The following LRRTM4 variants were observed in gnomAD, a reference collection of about 807,000 sequenced individuals.
LRRTM4 encodes leucine rich repeat transmembrane neuronal 4.
In LRRTM4, 25 loss-of-function variants were observed where a neutral mutation model predicts 47.6. The observed-to-expected ratio is 0.53, with a 90% confidence interval of 0.38 to 0.73. The LOEUF (loss-of-function observed/expected upper bound fraction) is 0.73. Ranked by LOEUF, LRRTM4 falls within the 30% of genes least tolerant of loss-of-function variation. The pLI is 0.00. For synonymous variants in LRRTM4, 311 were observed against 269.5 expected, an observed-to-expected ratio of 1.15 and a Z score of -1.51; for missense variants, 638 against 713.4, an observed-to-expected ratio of 0.89 and a Z score of 1.20.
chr2:76,902,256 T>C (rs142906975), intron 3 of LRRTM4, among the ~76,000 whole-genome samples: 2,830 of 152,340 alleles, frequency 0.019, 40 homozygotes, highest in Non-Finnish European at 0.027. Flanking sequence ...CAGATATTCC[T>C]GTTCCTACCT....
chr2:77,154,899 C>T (rs1035728606), intron 3 of LRRTM4, among the ~76,000 whole-genome samples: 5 of 151,992 alleles, frequency 3.3e-5, no homozygotes, highest in African/African-American at 1.2e-4. Flanking sequence ...CTGTTTCTGA[C>T]CCTTTAAAGT....
At chr2:76,904,398 G>A (rs1261879723) in intron 3 of LRRTM4, among the ~76,000 whole-genome samples, 6 of 152,168 alleles carry the variant, frequency 3.9e-5, no homozygotes, top group East Asian at 1.9e-4. Flanking sequence ...AAATCCTTCC[G>A]ACTTGCTGGG....
At chr2:77,403,836 C>T (rs900114748) in intron 3 of LRRTM4, among the ~76,000 whole-genome samples, 2 of 149,496 alleles carry the variant, frequency 1.3e-5, no homozygotes, top group African/African-American at 2.5e-5. Flanking sequence ...TCTTAATAGG[C>T]CATTATGTCT....
intron 3 of LRRTM4, among the ~76,000 whole-genome samples, chr2:76,818,478 C>G (rs1349096805): frequency 6.6e-6 from 1 of 151,816 alleles, no homozygotes; most frequent in Non-Finnish European, 1.5e-5. Flanking sequence ...TCCTAAGATT[C>G]CTCCTGGAGT....
chr2:77,119,433 G>A (rs1572980678), intron 3 of LRRTM4, among the ~76,000 whole-genome samples: 1 of 151,788 alleles, frequency 6.6e-6, no homozygotes, highest in African/African-American at 2.4e-5. Context: ...TGGGTGTTAA[G>A]AATCTTTACT....
intron 3 of LRRTM4, among the ~76,000 whole-genome samples, chr2:77,025,657 G>C (rs1448197436): frequency 1.3e-5 from 2 of 152,124 alleles, no homozygotes; most frequent in African/African-American, 4.8e-5. Flanking sequence ...AAAGGACAAG[G>C]CTGGTAGAAG....
chr2:76,988,806 C>G (rs187797721), intron 3 of LRRTM4, among the ~76,000 whole-genome samples: 1 of 151,588 alleles, frequency 6.6e-6, no homozygotes, highest in African/African-American at 2.4e-5. Flanking sequence ...TTGACATCTC[C>G]TATCACCTTT....
intron 3 of LRRTM4, among the ~76,000 whole-genome samples, chr2:77,228,234 T>G (rs2103964808): frequency 6.6e-6 from 1 of 152,238 alleles, no homozygotes; most frequent in East Asian, 1.9e-4. Context: ...TCTAACAAAC[T>G]TAATTTTTTC....
chr2:77,074,370 T>A (rs1680263732), intron 3 of LRRTM4, among the ~76,000 whole-genome samples: 1 of 152,188 alleles, frequency 6.6e-6, no homozygotes, highest in Non-Finnish European at 1.5e-5. Context: ...TGAATTATTG[T>A]CCACAGTCCC....
intron 3 of LRRTM4, among the ~76,000 whole-genome samples, chr2:77,432,616 G>C (rs1305548683): frequency 6.6e-6 from 1 of 152,224 alleles, no homozygotes; most frequent in African/African-American, 2.4e-5. Flanking sequence ...TAAAGAGACA[G>C]AAAGGCTAAG....
chr2:77,430,553 C>G (rs1055386251), intron 3 of LRRTM4, among the ~76,000 whole-genome samples: 2 of 150,786 alleles, frequency 1.3e-5, no homozygotes, highest in Non-Finnish European at 2.9e-5. Context: ...GAAACCCTGT[C>G]TCTACTAAAA....
chr2:77,335,962 A>G (rs1307165248), intron 3 of LRRTM4, among the ~76,000 whole-genome samples: 1 of 152,094 alleles, frequency 6.6e-6, no homozygotes. Context: ...ACACAATACA[A>G]AAATGAATGG....
intron 3 of LRRTM4, among the ~76,000 whole-genome samples, chr2:77,379,484 G>A (rs1672967251): frequency 6.6e-6 from 1 of 151,932 alleles, no homozygotes; most frequent in African/African-American, 2.4e-5. Context: ...GCATGTTGTC[G>A]CTGTTCTTTA....
At chr2:77,148,447 A>C (rs1192392743) in intron 3 of LRRTM4, among the ~76,000 whole-genome samples, 1 of 152,154 alleles carries the variant, frequency 6.6e-6, no homozygotes, top group African/African-American at 2.4e-5. Flanking sequence ...CCCAATAACT[A>C]GATATACAAC....
chr2:76,818,599 T>G (rs1025787454), intron 3 of LRRTM4, among the ~76,000 whole-genome samples: 1 of 151,806 alleles, frequency 6.6e-6, no homozygotes, highest in Non-Finnish European at 1.5e-5. Flanking sequence ...ATTCTCACTC[T>G]ATGTCTAATT....
intron 3 of LRRTM4, among the ~76,000 whole-genome samples, chr2:77,468,730 G>A (rs1677075225): frequency 6.6e-6 from 1 of 152,022 alleles, no homozygotes; most frequent in African/African-American, 2.4e-5. Context: ...TACTACCCTG[G>A]CTCTCTCCCT....
At chr2:77,182,739 T>C (rs532397603) in intron 3 of LRRTM4, among the ~76,000 whole-genome samples, 8 of 152,132 alleles carry the variant, frequency 5.3e-5, no homozygotes, top group Non-Finnish European at 1.0e-4. Flanking sequence ...AGGGCATCCC[T>C]GCCTTGCGCC....
Position 76,924,304 on chromosome 2 carries a change from T to G in LRRTM4, c.1552-175388A>C, listed in dbSNP as rs114319919. Among the ~76,000 whole-genome samples, 376 of 152,226 alleles carry G rather than the reference T, an allele frequency of 2.5e-3. 8 individuals carry two copies. The highest frequency in any genetic ancestry group is 8.7e-3 in the African/African-American group (363 of 41,558). ...ACCAACCTGTCTTTATAAACTATTT[T>G]CCTCAACTCTTCTCTTTTTGTTCTT... On this transcript the variant is annotated intron_variant, in intron 3 of 3. Coordinates refer to ENST00000409884, the MANE Select transcript of LRRTM4 (RefSeq NM_001134745.3).
intron 3 of LRRTM4, among the ~76,000 whole-genome samples, chr2:77,089,473 C>T (rs965013126): frequency 1.3e-5 from 2 of 151,628 alleles, no homozygotes; most frequent in East Asian, 2.0e-4. Flanking sequence ...ATTTCCGTGC[C>T]CCGACCTCTT....
Sources: gnomAD v4.1 joint callset for allele counts (sites outside exome capture counted in the v4.1 genomes callset) on GRCh38, gnomAD v4.1.1 for gene constraint, MANE v1.5 for transcripts, NCBI Gene and HGNC (gene_info 2026-07-23, HGNC 2026-07-21) for gene names.